Variants in IRAK2 observed in about 807,000 individuals in gnomAD.
IRAK2 encodes the protein interleukin 1 receptor associated kinase 2.
IRAK2 carries 57 observed loss-of-function variants against 72.0 expected under a neutral mutation model. The ratio of observed to expected loss-of-function variants is 0.79; its 90% CI spans 0.64 to 0.99. IRAK2 has a LOEUF of 0.99. Ranked by LOEUF, IRAK2 falls within the 50% of genes least tolerant of loss-of-function variation. IRAK2 has a pLI of 0.00. For missense variants in IRAK2, 790 were observed against 794.4 expected (o/e 0.99, Z 0.07); for synonymous variants, 293 against 312.7 (o/e 0.94, Z 0.67).
At chr3:10,198,493 C>T (rs1315472971) in intron 2 of IRAK2, among the ~76,000 whole-genome samples, 1 of 152,232 alleles carries the variant, frequency 6.6e-6, no homozygotes. Flanking sequence ...GACAGTGAAA[C>T]CAGTCCCAGG....
intron 1 of IRAK2, among the ~76,000 whole-genome samples, chr3:10,168,544 CA>C (rs1378924452): frequency 2.2e-4 from 34 of 152,296 alleles, no homozygotes; most frequent in African/African-American, 7.9e-4. Context: ...CCACCTGAGC[CA>C]GTGTGAAGTG....
intron 12 of IRAK2, among the ~76,000 whole-genome samples, chr3:10,240,614 T>C (rs1698042707): frequency 7.7e-6 from 1 of 130,694 alleles, no homozygotes; most frequent in Admixed American, 8.4e-5. Context: ...GGCTGGAGTA[T>C]AATGGTGTGA....
chr3:10,226,225 C>A, intron 9 of IRAK2, 146 bp from the exon 10 acceptor site: 2 of 570,664 alleles, frequency 3.5e-6, no homozygotes, highest in Admixed American at 3.1e-5. Context: ...GTGATATTCC[C>A]ATGTTCCAGA....
Position 10,236,991 on chromosome 3 carries a change from C to A in IRAK2, c.1474-1757C>A, listed in dbSNP as rs187754264. On this transcript the variant is annotated intron_variant, in intron 11 of 12. Coordinates refer to ENST00000256458, the MANE Select transcript of IRAK2 (RefSeq NM_001570.4). ...GCTTCCATGTCAGGGTCTAAGATGG[C>A]TGCTGTTGCTCAGGCCATCACACCT... Among the ~76,000 whole-genome samples the A allele has an allele frequency of 2.2e-3, 342 of 152,330 alleles. 2 individuals are homozygous for A. Among genetic ancestry groups the A allele is most frequent in the African/African-American group, 7.7e-3 (321 of 41,570 alleles).
rs1351465590 is a variant in IRAK2 at position 10,165,702 on chromosome 3, G to T, written c.94+654G>T. 5.0e-5 allele frequency among the ~76,000 whole-genome samples: 7 copies of T among 139,664 alleles called. No individual in the cohort carries two copies. In the Admixed American group the frequency reaches 5.1e-4, roughly 10 times the overall value. The allele number at this position is 139,664 out of a possible 152,430, so 91.6% of individuals were successfully genotyped here. The stretch of plus-strand genomic sequence containing the variant: ...GTAGAGACCGGGTTTCACCATGTTG[G>T]CCAGACTGGTCTTGAACTATTTTTT... On this transcript the variant is annotated intron_variant, in intron 1 of 12. Coordinates refer to ENST00000256458, the MANE Select transcript of IRAK2 (RefSeq NM_001570.4).
chr3:10,179,103 A>G (rs1222457986), intron 2 of IRAK2, among the ~76,000 whole-genome samples: 2 of 152,172 alleles, frequency 1.3e-5, no homozygotes, highest in African/African-American at 4.8e-5. Context: ...CTTTTGATAC[A>G]GCTAGTAGCA....
intron 2 of IRAK2, among the ~76,000 whole-genome samples, chr3:10,184,035 C>T (rs1697005216): frequency 6.6e-6 from 1 of 152,170 alleles, no homozygotes. Context: ...TACTGTTCTG[C>T]CAGTGTGGAC....
chr3:10,238,700 T>C (rs1698004056), intron 11 of IRAK2, 48 bp from the exon 12 acceptor site: 2 of 1,571,890 alleles, frequency 1.3e-6, no homozygotes, highest in Admixed American at 3.5e-5. Flanking sequence ...AGCATTTCTA[T>C]TTCAGAGAGA....
chr3:10,168,197 T>A (rs991330512), intron 1 of IRAK2, among the ~76,000 whole-genome samples: 1 of 150,260 alleles, frequency 6.7e-6, no homozygotes, highest in Non-Finnish European at 1.5e-5. Context: ...CAACATGTGT[T>A]ATTTTTTTCT....
chr3:10,214,842 C>A (rs1375980189), intron 6 of IRAK2, among the ~76,000 whole-genome samples: 4 of 151,252 alleles, frequency 2.6e-5, no homozygotes, highest in African/African-American at 2.4e-5. Context: ...CACCTATAAT[C>A]CCAGCACTTT....
At chr3:10,206,858 A>G (rs893152051) in intron 3 of IRAK2, among the ~76,000 whole-genome samples, 2 of 25,386 alleles carry the variant, frequency 7.9e-5, no homozygotes, top group African/African-American at 3.3e-4. Context: ...GCTGGCCAAA[A>G]CAAATTTTTT....
At chr3:10,221,562 T>G (rs1697693164) in intron 8 of IRAK2, among the ~76,000 whole-genome samples, 1 of 151,630 alleles carries the variant, frequency 6.6e-6, no homozygotes, top group Non-Finnish European at 1.5e-5. Context: ...CAAAAAAAAT[T>G]TTTTTTTGAG....
intron 11 of IRAK2, among the ~76,000 whole-genome samples, chr3:10,236,961 A>G (rs975267708): frequency 6.6e-6 from 1 of 152,216 alleles, no homozygotes; most frequent in African/African-American, 2.4e-5. Flanking sequence ...TATCCTTACC[A>G]TGTGGCTTCC....
chr3:10,230,683 T>C (rs534991686), intron 10 of IRAK2, among the ~76,000 whole-genome samples: 35 of 152,286 alleles, frequency 2.3e-4, no homozygotes, highest in Non-Finnish European at 3.4e-4. Flanking sequence ...GATCCCCTGC[T>C]TTAGCCTCCC....
intron 12 of IRAK2, among the ~76,000 whole-genome samples, chr3:10,241,605 G>C (rs1207302382): frequency 8.1e-6 from 1 of 123,546 alleles, no homozygotes; most frequent in Non-Finnish European, 1.7e-5. Context: ...GCTGGGTGCT[G>C]TGGCTCACAG....
At chr3:10,235,256 A>G (rs1697937842) in intron 11 of IRAK2, among the ~76,000 whole-genome samples, 1 of 152,072 alleles carries the variant, frequency 6.6e-6, no homozygotes, top group African/African-American at 2.4e-5. Flanking sequence ...GGACATGAGA[A>G]GTAGCCGTGG....
At chr3:10,238,642 G>T (rs1698003172) in intron 11 of IRAK2, 106 bp from the exon 12 acceptor site, 1 of 1,090,340 alleles carries the variant, frequency 9.2e-7, no homozygotes, top group South Asian at 1.5e-5. Flanking sequence ...CCAGCATTAG[G>T]TTCTTCAGTC....
chr3:10,210,677 A>T (rs182680022), intron 4 of IRAK2, among the ~76,000 whole-genome samples: 70 of 152,128 alleles, frequency 4.6e-4, no homozygotes, highest in Admixed American at 1.7e-3. Flanking sequence ...GCTTGAGCCC[A>T]GGAGTTGGAG....
intron 11 of IRAK2, among the ~76,000 whole-genome samples, chr3:10,236,475 G>A (rs1697962691): frequency 6.6e-6 from 1 of 150,948 alleles, no homozygotes; most frequent in Middle Eastern, 3.2e-3. Flanking sequence ...AGCCTCCCGA[G>A]TAGCTGAGAT....
Sources: gnomAD v4.1 joint callset for allele counts (sites outside exome capture counted in the v4.1 genomes callset) on GRCh38, gnomAD v4.1.1 for gene constraint, MANE v1.5 for transcripts, NCBI Gene and HGNC (gene_info 2026-07-23, HGNC 2026-07-21) for gene names.